TOMM6: variants seen among roughly 807,000 people sequenced by gnomAD.
TOMM6 encodes the protein mitochondrial import receptor subunit TOM6 homolog.
Under a neutral mutation model 6.0 loss-of-function variants are expected in TOMM6, and 6 were observed. The ratio of observed to expected loss-of-function variants is 1.00; its 90% CI spans 0.55 to 1.98. The LOEUF (loss-of-function observed/expected upper bound fraction) is 1.98. Among genes scored for constraint, TOMM6 ranks in the 30% most tolerant of loss-of-function variants. The pLI, the probability that TOMM6 is intolerant of heterozygous loss-of-function variation, is 0.00. For missense variants in TOMM6, 104 were observed against 95.3 expected (o/e 1.09, Z -0.38); for synonymous variants, 44 against 36.3 (o/e 1.21, Z -0.76).
chr6:41,788,891 G>A (rs572367411), intron 1 of TOMM6, among the ~76,000 whole-genome samples: 3 of 151,458 alleles, frequency 2.0e-5, no homozygotes, highest in Admixed American at 2.0e-4. Flanking sequence ...GATTACAGGC[G>A]CGCACCACCA....
At chr6:41,787,920 T>A in intron 1 of TOMM6, 95 bp downstream of exon 1, 4 of 1,473,820 alleles carry the variant, frequency 2.7e-6, no homozygotes, top group Non-Finnish European at 3.6e-6. Context: ...TTTGTTTTTG[T>A]TTTTTAACAT....
At chr6:41,788,106 C>T (rs145004838) in intron 1 of TOMM6, among the ~76,000 whole-genome samples, 5 of 151,370 alleles carry the variant, frequency 3.3e-5, no homozygotes, top group African/African-American at 1.2e-4. Flanking sequence ...TGGACTAGTG[C>T]TTTAGCTGGG....
At chr6:41,788,352 T>G (rs1219626114) in intron 1 of TOMM6, among the ~76,000 whole-genome samples, 36 of 132,116 alleles carry the variant, frequency 2.7e-4, no homozygotes, top group African/African-American at 4.9e-4. Context: ...CACCGTGTTA[T>G]CCAGGATGGT....
chr6:41,788,393 C>G (rs1317901737), intron 1 of TOMM6, among the ~76,000 whole-genome samples: 1 of 147,040 alleles, frequency 6.8e-6, no homozygotes, highest in African/African-American at 2.5e-5. Flanking sequence ...ATCCGCCCGC[C>G]TCGGCCTCCC....
intron 1 of TOMM6, 31 bp downstream of exon 1, chr6:41,787,856 C>T: frequency 6.4e-7 from 1 of 1,550,988 alleles, no homozygotes; most frequent in Non-Finnish European, 8.7e-7. Flanking sequence ...TGGTCCTTTT[C>T]TGGCCCTTAA....
At chr6:41,788,764 T>C (rs1211249236) in intron 1 of TOMM6, among the ~76,000 whole-genome samples, 1 of 131,456 alleles carries the variant, frequency 7.6e-6, no homozygotes, top group East Asian at 2.4e-4. Flanking sequence ...TTTATTTCTT[T>C]TTGAGACAGC....
intron 2 of TOMM6, 29 bp downstream of exon 2, chr6:41,789,365 C>T: frequency 1.4e-6 from 2 of 1,466,874 alleles, no homozygotes; most frequent in East Asian, 2.5e-5. Flanking sequence ...CCATGCGTGT[C>T]TTAGGAGACC....
intron 1 of TOMM6, among the ~76,000 whole-genome samples, chr6:41,788,189 G>C (rs574568271): frequency 6.9e-6 from 1 of 145,406 alleles, no homozygotes; most frequent in African/African-American, 2.5e-5. Flanking sequence ...CTGTTGCCCA[G>C]GCTGGAGTGC....
chr6:41,788,443 CTTTTTTT>C (rs70987535), intron 1 of TOMM6, among the ~76,000 whole-genome samples: 2 of 38,320 alleles, frequency 5.2e-5, no homozygotes, highest in East Asian at 9.5e-4. Flanking sequence ...CACGCCCGGC[CTTTTTTT>C]TTTTTTTTTT....
At position 41,789,241 on chromosome 6, in the gene TOMM6, A is replaced by T. The variant is rs779346150; in HGVS notation, c.138A>T (p.Ile46=). 15 of 1,550,690 alleles carry T rather than the reference A, an allele frequency of 9.7e-6. No individual in the cohort carries two copies. The Admixed American group carries it at 2.6e-4, about 26-fold the overall frequency. Residue 46 remains isoleucine, a synonymous_variant, in exon 2 of 3, where the codon ATA becomes ATT. Transcript: ENST00000398881. ...TDRNDFRRNL[I]LNLGLFAAGV... is the part of the protein sequence containing the mutation. ...CACATTGTTTTTCCAGGAACTTGAT[A>T]CTAAATTTGGGACTCTTTGCTGCGG...
At chr6:41,788,539 G>T (rs747066957) in intron 1 of TOMM6, among the ~76,000 whole-genome samples, 3 of 135,146 alleles carry the variant, frequency 2.2e-5, no homozygotes, top group African/African-American at 8.4e-5. Flanking sequence ...TGCCCCTTCT[G>T]CCTCCCGGGT....
chr6:41,789,497 ATC>A (rs1206982452), intron 2 of TOMM6, 69 bp from the exon 3 acceptor site: 11 of 600,702 alleles, frequency 1.8e-5, no homozygotes, highest in African/African-American at 5.6e-5. Context: ...GGATTTAAGT[ATC>A]TCTTACCAGT....
chr6:41,789,134 G>A, intron 1 of TOMM6, 98 bp from the exon 2 acceptor site: 1 of 1,117,256 alleles, frequency 9.0e-7, no homozygotes, highest in Non-Finnish European at 1.3e-6. Flanking sequence ...TCAACGCCTC[G>A]GGAAGGTGGT....
rs1418726732 is a variant in TOMM6 at position 41,789,679 on chromosome 6, T to C, written c.*120T>C. 4 of 245,488 alleles carry C rather than the reference T, an allele frequency of 1.6e-5. No individual in the cohort carries two copies. The highest frequency in any genetic ancestry group is 1.7e-5 in the Non-Finnish European group (2 of 121,060). 15.2% of individuals were successfully genotyped at this position (245,488 alleles called of 1,614,324 possible). A position where few individuals can be genotyped will look rare whatever the true frequency, so the allele number is the denominator to read the frequency against. ...GAAGTTTGATTCAGATGGGCACTTT[T>C]CTTCCCCTTCCCTGCCTAGTTTCCT... On this transcript the variant is annotated 3_prime_UTR_variant, in exon 3 of 3. Transcript: ENST00000398881.
intron 1 of TOMM6, 125 bp from the exon 2 acceptor site, chr6:41,789,107 G>GC: frequency 2.3e-6 from 2 of 856,232 alleles, no homozygotes; most frequent in Non-Finnish European, 3.8e-6. Flanking sequence ...TGAGCAACCT[G>GC]CCGTCACAAC....
chr6:41,789,446 C>T (rs563736906), intron 2 of TOMM6, 110 bp downstream of exon 2: 21 of 814,896 alleles, frequency 2.6e-5, no homozygotes, highest in African/African-American at 1.9e-4. Flanking sequence ...ATGTAAAACC[C>T]TTAACTATTC....
rs1240936964 is a variant in TOMM6, at chr6:41,789,743, C to T, written c.*184C>T. 4.9e-6 allele frequency: 1 copy of T among 202,116 alleles called. No homozygotes were observed. Among genetic ancestry groups the T allele is most frequent in the Non-Finnish European group, 1.0e-5 (1 of 95,734 alleles). 12.5% of individuals were successfully genotyped at this position (202,116 alleles called of 1,614,324 possible). On this transcript the variant is annotated 3_prime_UTR_variant, in exon 3 of 3. Transcript: ENST00000398881. The stretch of plus-strand genomic sequence containing the variant: ...TCCACGCAGAATTCCATTCTCTGGT[C>T]AGCAGACAGGCTTAAGCTAAAGTAT...
chr6:41,789,080 A>G (rs1457566584), intron 1 of TOMM6, among the ~76,000 whole-genome samples, 152 bp from the exon 2 acceptor site: 1 of 152,196 alleles, frequency 6.6e-6, no homozygotes. Flanking sequence ...ATGAACTCCA[A>G]ATTCCCACGT....
intron 1 of TOMM6, 55 bp downstream of exon 1, chr6:41,787,880 C>A (rs1240139815): frequency 7.8e-6 from 12 of 1,535,040 alleles, no homozygotes; most frequent in Non-Finnish European, 1.1e-5. Context: ...CGTATTTCCC[C>A]TTTCTTGCGA....
Sources: gnomAD v4.1 joint callset for allele counts (sites outside exome capture counted in the v4.1 genomes callset) on GRCh38, gnomAD v4.1.1 for gene constraint, MANE v1.5 for transcripts, NCBI Gene and HGNC (gene_info 2026-07-23, HGNC 2026-07-21) for gene names.